The following NCKAP5 variants were observed in gnomAD, a reference collection of about 807,000 sequenced individuals.
The protein encoded by NCKAP5 is NCK associated protein 5.
In NCKAP5, 92 loss-of-function variants were observed where a neutral mutation model predicts 167.0. The ratio of observed to expected loss-of-function variants is 0.55; its 90% CI spans 0.47 to 0.66. NCKAP5 has a LOEUF of 0.66. Among genes scored for constraint, NCKAP5 ranks in the 30% least tolerant of loss-of-function variants. NCKAP5 has a pLI of 0.00. For missense variants in NCKAP5, 2,378 were observed against 2,315.0 expected (o/e 1.03, Z -0.56); for synonymous variants, 891 against 877.4 (o/e 1.02, Z -0.27).
chr2:133,213,757 G>A lies in NCKAP5; in HGVS notation c.166C>T (p.Leu56=), dbSNP rs769056930. ...GTTCTTTGGGCAACTTCTCGCTGTA[G>A]TCGGGCCACTGCCAACTTCTCCCTG... ...LWREKLAVAR[L]QREVAQRTSE... The change falls in exon 5 of 20, where the codon CTA becomes TTA. Residue 56 remains leucine (L), a synonymous_variant. Transcript: ENST00000409261. 33 of 1,613,796 alleles carry A rather than the reference G, an allele frequency of 2.0e-5. No homozygotes were observed. Among genetic ancestry groups the A allele is most frequent in the Non-Finnish European group, 2.8e-5 (33 of 1,179,794 alleles).
At chr2:133,081,222 C>G (rs765413275) in intron 6 of NCKAP5, among the ~76,000 whole-genome samples, 1 of 152,156 alleles carries the variant, frequency 6.6e-6, no homozygotes, top group Non-Finnish European at 1.5e-5. Flanking sequence ...ATTTTACGCT[C>G]TCTTCCTACA....
chr2:133,414,001 C>T (rs1688945705), intron 3 of NCKAP5, among the ~76,000 whole-genome samples: 1 of 152,210 alleles, frequency 6.6e-6, no homozygotes, highest in South Asian at 2.1e-4. Context: ...GGACATCTCA[C>T]TATCCTGGTG....
intron 18 of NCKAP5, among the ~76,000 whole-genome samples, chr2:132,727,278 T>G (rs13025233): frequency 0.13 from 20,003 of 152,236 alleles, 1,442 homozygotes; most frequent in East Asian, 0.16. Context: ...CACCAACTGT[T>G]GTTCCTGAAC....
At chr2:132,973,802 A>G (rs901987452) in intron 7 of NCKAP5, among the ~76,000 whole-genome samples, 13 of 152,156 alleles carry the variant, frequency 8.5e-5, no homozygotes, top group Admixed American at 3.9e-4. Flanking sequence ...CCTAAGGTTA[A>G]AGCTACCTGT....
chr2:133,086,760 T>C (rs1388578554), intron 6 of NCKAP5, among the ~76,000 whole-genome samples: 12 of 152,254 alleles, frequency 7.9e-5, no homozygotes, highest in African/African-American at 2.4e-4. Flanking sequence ...AAAACTAACT[T>C]TTCATGTGTG....
At chr2:132,688,082 C>A (rs557061440) in intron 19 of NCKAP5, among the ~76,000 whole-genome samples, 6 of 152,278 alleles carry the variant, frequency 3.9e-5, no homozygotes, top group Admixed American at 3.9e-4. Flanking sequence ...AACTGAAAAT[C>A]TAATTAATCT....
chr2:133,299,035 A>C, intron 4 of NCKAP5, among the ~76,000 whole-genome samples: 2 of 151,376 alleles, frequency 1.3e-5, no homozygotes, highest in Middle Eastern at 6.8e-3. Flanking sequence ...AATTTAAAAA[A>C]ATAAAAATAA....
At chr2:133,303,008 A>G (rs1474954795) in intron 4 of NCKAP5, 29 bp downstream of exon 4, 12 of 1,526,048 alleles carry the variant, frequency 7.9e-6, no homozygotes, top group African/African-American at 4.1e-5. Flanking sequence ...CTACCTGAGC[A>G]AGCAAATAAG....
chr2:133,424,678 G>A (rs574309615), intron 3 of NCKAP5, among the ~76,000 whole-genome samples: 1 of 152,338 alleles, frequency 6.6e-6, no homozygotes, highest in Admixed American at 6.5e-5. Flanking sequence ...TACTCATGGT[G>A]TGGTCTGTAG....
At chr2:133,412,514 T>C (rs1024139682) in intron 3 of NCKAP5, among the ~76,000 whole-genome samples, 2 of 152,210 alleles carry the variant, frequency 1.3e-5, no homozygotes, top group Non-Finnish European at 2.9e-5. Context: ...CTCACAAGGC[T>C]CAGGTCTCTC....
chr2:133,611,812 G>T, the NCKAP5 span, among the ~76,000 whole-genome samples: 133,426 of 152,176 alleles, frequency 0.88, 59,734 homozygotes, highest in Non-Finnish European at 0.99. Context: ...TTCAAGTGAC[G>T]AATCTTCTCT....
At chr2:133,355,198 T>C (rs971908439) in intron 3 of NCKAP5, among the ~76,000 whole-genome samples, 1 of 152,200 alleles carries the variant, frequency 6.6e-6, no homozygotes, top group Admixed American at 6.5e-5. Flanking sequence ...TATAAGCCTA[T>C]CTTAAACTGT....
chr2:133,640,008 T>G, the NCKAP5 span, among the ~76,000 whole-genome samples: 1 of 152,054 alleles, frequency 6.6e-6, no homozygotes, highest in South Asian at 2.1e-4. Flanking sequence ...TTGTATAAGG[T>G]TTAAAAATAT....
At chr2:132,963,926 T>G (rs971683143) in intron 7 of NCKAP5, 57 bp from the exon 8 acceptor site, 73 of 1,590,492 alleles carry the variant, frequency 4.6e-5, no homozygotes, top group Non-Finnish European at 6.1e-5. Flanking sequence ...TAAGCATGAG[T>G]GTGAGGCTGA....
chr2:132,902,624 A>C (rs1693712639), intron 8 of NCKAP5, among the ~76,000 whole-genome samples: 1 of 152,188 alleles, frequency 6.6e-6, no homozygotes, highest in Non-Finnish European at 1.5e-5. Flanking sequence ...CTTGGCTGTA[A>C]GATAGTTTTC....
chr2:133,173,335 C>T (rs2084326677), intron 5 of NCKAP5, among the ~76,000 whole-genome samples: 2 of 152,144 alleles, frequency 1.3e-5, no homozygotes, highest in African/African-American at 4.8e-5. Context: ...TTCATATAGA[C>T]AAAAAGTCTC....
At chr2:132,877,357 A>G (rs1012993855) in intron 9 of NCKAP5, among the ~76,000 whole-genome samples, 1 of 152,234 alleles carries the variant, frequency 6.6e-6, no homozygotes, top group Non-Finnish European at 1.5e-5. Context: ...TATTAAACAA[A>G]TAATTTTCTG....
At chr2:132,773,980 T>C in intron 15 of NCKAP5, 86 bp from the exon 16 acceptor site, 3 of 1,117,186 alleles carry the variant, frequency 2.7e-6, no homozygotes, top group Non-Finnish European at 4.0e-6. Context: ...GTACATTCTA[T>C]AACAAATATG....
At chr2:132,878,317 T>G (rs1691448490) in intron 9 of NCKAP5, among the ~76,000 whole-genome samples, 1 of 152,216 alleles carries the variant, frequency 6.6e-6, no homozygotes, top group Non-Finnish European at 1.5e-5. Flanking sequence ...CCAATTTTCT[T>G]CCTCATTTCT....
Sources: gnomAD v4.1 joint callset for allele counts (sites outside exome capture counted in the v4.1 genomes callset) on GRCh38, gnomAD v4.1.1 for gene constraint, MANE v1.5 for transcripts, NCBI Gene and HGNC (gene_info 2026-07-23, HGNC 2026-07-21) for gene names.